NRXN1: variants seen among roughly 807,000 people sequenced by gnomAD.
NRXN1 encodes the protein neurexin-1.
Under a neutral mutation model 150.9 loss-of-function variants are expected in NRXN1, and 39 were observed. The ratio of observed to expected loss-of-function variants is 0.26; its 90% CI spans 0.20 to 0.34. The LOEUF is 0.34. Ranked by LOEUF, NRXN1 falls within the 10% of genes least tolerant of loss-of-function variation. The probability of loss-of-function intolerance (pLI) is 1.00; values close to 1 mark genes in which losing one functional copy is unlikely to be tolerated. For missense variants in NRXN1, 1,815 were observed against 1,949.9 expected (o/e 0.93, Z 1.30); for synonymous variants, 924 against 757.0 (o/e 1.22, Z -3.62).
chr2:50,747,408 G>A (rs1700142803), intron 5 of NRXN1, among the ~76,000 whole-genome samples: 1 of 152,066 alleles, frequency 6.6e-6, no homozygotes, highest in African/African-American at 2.4e-5. Context: ...TGGATGTTTG[G>A]TGGAAACAAA....
At chr2:50,620,235 G>A (rs1284398106) in intron 7 of NRXN1, 52 bp from the exon 8 acceptor site, 7 of 1,549,460 alleles carry the variant, frequency 4.5e-6, no homozygotes, top group South Asian at 2.4e-5. Flanking sequence ...CCTAGATACT[G>A]TAATCCTGGG....
intron 17 of NRXN1, among the ~76,000 whole-genome samples, chr2:50,243,756 C>T (rs2066249632): frequency 6.6e-6 from 1 of 151,808 alleles, no homozygotes; most frequent in Admixed American, 6.6e-5. Context: ...ACCAGCTAGA[C>T]TCCACGGTAG....
intron 5 of NRXN1, among the ~76,000 whole-genome samples, chr2:50,796,749 C>T (rs897419398): frequency 5.3e-5 from 8 of 152,172 alleles, no homozygotes; most frequent in African/African-American, 1.9e-4. Flanking sequence ...TTTAATTTTT[C>T]ATAACAATCC....
chr2:50,466,942 A>G (rs577106205), intron 16 of NRXN1, among the ~76,000 whole-genome samples: 1 of 151,722 alleles, frequency 6.6e-6, no homozygotes, highest in Non-Finnish European at 1.5e-5. Context: ...TTTCTGTTGC[A>G]ATTAAGGCTT....
rs182551613 is a variant in NRXN1 at position 50,904,504 on chromosome 2, T to G, written c.832+17365A>C. On this transcript the variant is annotated intron_variant, in intron 5 of 22. Coordinates refer to ENST00000401669, the MANE Select transcript of NRXN1 (RefSeq NM_001330078.2). ...GACCGTGTGGAAACTTGTGAGGGGA[T>G]GTCAGAGGTAGTGCAGTAAACTGCT... Among the ~76,000 whole-genome samples, 3 of 152,236 alleles carry G rather than the reference T, an allele frequency of 2.0e-5. No individual in the cohort carries two copies. The East Asian group carries it at 5.8e-4, about 30-fold the overall frequency.
chr2:50,844,000 C>T lies in NRXN1; in HGVS notation c.832+77869G>A, dbSNP rs138262215. Reference sequence around the variant, plus strand: ...TGCCTTTACTCTTCTGAGACCTTGCCACAGCCTGGTCTAGGTGGTCACTCT... The same window carrying T: ...TGCCTTTACTCTTCTGAGACCTTGCTACAGCCTGGTCTAGGTGGTCACTCT... On this transcript the variant is annotated intron_variant, in intron 5 of 22. Coordinates refer to ENST00000401669, the MANE Select transcript of NRXN1 (RefSeq NM_001330078.2). Among the ~76,000 whole-genome samples the T allele has an allele frequency of 1.2e-3, 189 of 152,212 alleles. 2 individuals carry two copies. The highest frequency in any genetic ancestry group is 4.4e-3 in the African/African-American group (184 of 41,526).
chr2:50,624,532 G>T (rs1451975812), intron 5 of NRXN1, among the ~76,000 whole-genome samples: 1 of 152,038 alleles, frequency 6.6e-6, no homozygotes, highest in African/African-American at 2.4e-5. Context: ...AGAGACCATA[G>T]AAAATTATCT....
chr2:50,907,642 A>T (rs1486265154), intron 5 of NRXN1, among the ~76,000 whole-genome samples: 8 of 152,020 alleles, frequency 5.3e-5, no homozygotes, highest in Non-Finnish European at 8.8e-5. Flanking sequence ...TCAGAGGAAA[A>T]TGTGACTACA....
chr2:50,893,148 T>C (rs1487714159), intron 5 of NRXN1, among the ~76,000 whole-genome samples: 19 of 152,178 alleles, frequency 1.2e-4, no homozygotes, highest in Non-Finnish European at 2.1e-4. Flanking sequence ...TCATAATTGC[T>C]ACCTCCCAAC....
rs536942114 is a variant in NRXN1, at chr2:50,528,677, A to T, written c.2348-26T>A. ...CTAGATGGGGAAGAATAGATGAAAA[A>T]TGAAAATTCATCCTTCAAGGTAATA... On this transcript the variant is annotated intron_variant, in intron 11 of 22. Coordinates refer to ENST00000401669, the MANE Select transcript of NRXN1 (RefSeq NM_001330078.2). The T allele has an allele frequency of 2.7e-6, 4 of 1,484,010 alleles. No homozygotes were observed. The South Asian group carries it at 4.8e-5, about 18-fold the overall frequency. The allele number at this position is 1,484,010 out of a possible 1,614,324, so 91.9% of individuals were successfully genotyped here. A position where few individuals can be genotyped will look rare whatever the true frequency, so the allele number is the denominator to read the frequency against.
At chr2:50,735,652 A>T (rs1457770817) in intron 5 of NRXN1, among the ~76,000 whole-genome samples, 1 of 152,090 alleles carries the variant, frequency 6.6e-6, no homozygotes, top group African/African-American at 2.4e-5. Context: ...GTAATTTAAT[A>T]ACTCTCTTTA....
At chr2:50,054,044 T>G (rs1693211452) in intron 20 of NRXN1, among the ~76,000 whole-genome samples, 2 of 152,222 alleles carry the variant, frequency 1.3e-5, no homozygotes, top group Admixed American at 1.3e-4. Context: ...ATTCACATAA[T>G]GTCCACATAT....
chr2:50,314,716 A>G (rs887657703), intron 17 of NRXN1, among the ~76,000 whole-genome samples: 5 of 152,056 alleles, frequency 3.3e-5, no homozygotes. Context: ...AATTTAAGAG[A>G]GTAAGAATAA....
At chr2:50,596,275 TTCCACTACCTTTTCTCAGATCGTTGTCC>T (rs1317536597) in intron 8 of NRXN1, among the ~76,000 whole-genome samples, 1 of 152,122 alleles carries the variant, frequency 6.6e-6, no homozygotes, top group African/African-American at 2.4e-5. Context: ...TTCCACTACC[TTCCACTACCTTTTCTCAGATCGTTGTCC>T]TTTCTCAGAT....
chr2:50,191,219 T>TA (rs1553736882), intron 18 of NRXN1, among the ~76,000 whole-genome samples: 1 of 151,242 alleles, frequency 6.6e-6, no homozygotes, highest in Non-Finnish European at 1.5e-5. Context: ...TTTTTTTTTT[T>TA]AGTAGAGACG....
chr2:50,880,985 G>A (rs1679343578), intron 5 of NRXN1, among the ~76,000 whole-genome samples: 1 of 151,904 alleles, frequency 6.6e-6, no homozygotes, highest in African/African-American at 2.4e-5. Context: ...ACACAGAGAA[G>A]TCAAGAGATA....
At chr2:50,267,766 C>T (rs1205802674) in intron 17 of NRXN1, among the ~76,000 whole-genome samples, 2 of 152,242 alleles carry the variant, frequency 1.3e-5, no homozygotes, top group South Asian at 2.1e-4. Context: ...ATAAATAATG[C>T]TCACATTTTA....
chr2:50,256,574 G>C (rs910947314), intron 17 of NRXN1, among the ~76,000 whole-genome samples: 4 of 152,114 alleles, frequency 2.6e-5, no homozygotes, highest in Admixed American at 2.6e-4. Flanking sequence ...AGTTTCTGTT[G>C]TCTTGATCAT....
At chr2:50,023,980 G>C (rs968585462) in intron 21 of NRXN1, 3 of 152,058 alleles carry the variant, frequency 2.0e-5, no homozygotes, top group African/African-American at 7.2e-5. Flanking sequence ...CCAGGCATTA[G>C]GTGTTTTTAT....
Sources: allele counts gnomAD v4.1 joint callset (sites outside exome capture counted in the v4.1 genomes callset), GRCh38; gene constraint gnomAD v4.1.1; transcripts MANE v1.5; gene names NCBI Gene and HGNC (gene_info 2026-07-23, HGNC 2026-07-21).